The following CACNA1E variants were observed in gnomAD, a reference collection of about 807,000 sequenced individuals.
CACNA1E encodes calcium voltage-gated channel subunit alpha1 E.
Under a neutral mutation model 259.2 loss-of-function variants are expected in CACNA1E, and 40 were observed. The ratio of observed to expected loss-of-function variants is 0.15; its 90% CI spans 0.12 to 0.20. CACNA1E has a LOEUF of 0.20. Ranked by LOEUF, CACNA1E falls within the 10% of genes least tolerant of loss-of-function variation. CACNA1E has a pLI of 1.00. For missense variants in CACNA1E, 1,874 were observed against 3,040.1 expected (o/e 0.62, Z 9.02); for synonymous variants, 1,104 against 1,138.5 (o/e 0.97, Z 0.61).
intron 2 of CACNA1E, among the ~76,000 whole-genome samples, chr1:181,437,830 G>A (rs573024448): frequency 6.6e-6 from 1 of 152,152 alleles, no homozygotes; most frequent in South Asian, 2.1e-4. Flanking sequence ...ACCCATTTTT[G>A]TAGGTTTACA....
At chr1:181,386,400 A>C (rs1655850217) in intron 1 of CACNA1E, among the ~76,000 whole-genome samples, 4 of 152,198 alleles carry the variant, frequency 2.6e-5, no homozygotes, top group Admixed American at 2.6e-4. Context: ...CACACATCAC[A>C]TGTAAGGTCA....
chr1:181,759,782 C>T (rs2102703711), intron 32 of CACNA1E, among the ~76,000 whole-genome samples: 1 of 152,286 alleles, frequency 6.6e-6, no homozygotes, highest in South Asian at 2.1e-4. Flanking sequence ...GAACTTTGCT[C>T]ATTATCTGAA....
At position 181,807,536 on chromosome 1, in the gene CACNA1E, G is replaced by T. The variant is rs1302292377; in HGVS notation, c.*8702G>T. On this transcript the variant is annotated 3_prime_UTR_variant, in exon 48 of 48. Transcript: ENST00000367573. ...AGGCCTCCATTTGATTTGCCACTCCGAGAACTGTCTGCTTCATTCTGCTTG... is the reference window on the plus strand; with the variant it reads ...AGGCCTCCATTTGATTTGCCACTCCTAGAACTGTCTGCTTCATTCTGCTTG... The T allele has an allele frequency of 6.6e-6, 1 of 151,780 alleles. No homozygotes were observed. The highest frequency in any genetic ancestry group is 2.4e-5 in the African/African-American group (1 of 41,302). 9.4% of individuals were successfully genotyped at this position (151,780 alleles called of 1,614,324 possible).
intron 1 of CACNA1E, among the ~76,000 whole-genome samples, chr1:181,493,493 A>ACT (rs1664491413): frequency 6.6e-6 from 1 of 152,198 alleles, no homozygotes; most frequent in Admixed American, 6.5e-5. Context: ...AACTTAAGAT[A>ACT]TAGGAAGTGG....
At chr1:181,751,721 A>G (rs1041448900) in intron 26 of CACNA1E, among the ~76,000 whole-genome samples, 3 of 152,224 alleles carry the variant, frequency 2.0e-5, no homozygotes, top group Non-Finnish European at 4.4e-5. Flanking sequence ...TGGATTAGGC[A>G]CAGTAGGGAT....
rs114769618 is a variant in CACNA1E, at chr1:181,763,584, C to T, written c.4815+53C>T. The T allele has an allele frequency of 9.7e-4, 1,370 of 1,409,932 alleles. 1 individual carries two copies. Among genetic ancestry groups the T allele is most frequent in the Non-Finnish European group, 1.0e-3 (1,090 of 1,047,396 alleles). 87.3% of individuals were successfully genotyped at this position (1,409,932 alleles called of 1,614,324 possible). ...AGGGTTGTCATATCAGACAGTACAG[C>T]CAGGCAACACTGGCATCATTACCCA... On this transcript the variant is annotated intron_variant, in intron 34 of 47. Coordinates refer to ENST00000367573, the MANE Select transcript of CACNA1E (RefSeq NM_001205293.3).
At chr1:181,346,587 C>T (rs530344905) in intron 1 of CACNA1E, among the ~76,000 whole-genome samples, 1 of 152,208 alleles carries the variant, frequency 6.6e-6, no homozygotes, top group Non-Finnish European at 1.5e-5. Flanking sequence ...TTCTCAGTCC[C>T]TCCTGGCAAT....
chr1:181,592,437 T>C (rs1016593163), intron 6 of CACNA1E, among the ~76,000 whole-genome samples: 4 of 143,176 alleles, frequency 2.8e-5, no homozygotes, highest in Non-Finnish European at 6.0e-5. Flanking sequence ...CTATGGCTGC[T>C]GCAGCCTCTG....
intron 1 of CACNA1E, among the ~76,000 whole-genome samples, chr1:181,348,903 T>G (rs1652817870): frequency 6.6e-6 from 1 of 152,162 alleles, no homozygotes; most frequent in Admixed American, 6.5e-5. Flanking sequence ...CACAATGGGA[T>G]GTGGCCAGGT....
intron 7 of CACNA1E, among the ~76,000 whole-genome samples, chr1:181,701,671 C>T (rs887421221): frequency 3.9e-5 from 6 of 152,100 alleles, no homozygotes; most frequent in East Asian, 1.9e-4. Flanking sequence ...TTCCAAACTG[C>T]GAAACAGAGA....
chr1:181,793,632 G>A, intron 44 of CACNA1E, 33 bp from the exon 45 acceptor site: 1 of 1,600,810 alleles, frequency 6.2e-7, no homozygotes, highest in Non-Finnish European at 8.5e-7. Context: ...ATGGAACCAA[G>A]TCCCACAAGC....
In CACNA1E at chr1:181,798,907, C is replaced by A. The variant is rs1009059695; in HGVS notation, c.*73C>A. ...CCAAGACAGAATTGGGAAGCCAGTGCGGCCCGGGGGGGAGGAAGAGGGAAA... is the reference window on the plus strand; with the variant it reads ...CCAAGACAGAATTGGGAAGCCAGTGAGGCCCGGGGGGGAGGAAGAGGGAAA... On this transcript the variant is annotated 3_prime_UTR_variant, in exon 48 of 48. Coordinates refer to ENST00000367573, the MANE Select transcript of CACNA1E (RefSeq NM_001205293.3). This position sits in a 1 kb window ranked among gnomAD's most constrained non-coding sequence, Gnocchi z 4.2. 4 of 1,350,620 alleles carry A rather than the reference C, an allele frequency of 3.0e-6. No homozygotes were observed. Among genetic ancestry groups the A allele is most frequent in the South Asian group, 3.4e-5 (2 of 58,900 alleles). The allele number at this position is 1,350,620 out of a possible 1,614,324, so 83.7% of individuals were successfully genotyped here.
At chr1:181,741,423 T>C (rs1268714471) in intron 25 of CACNA1E, among the ~76,000 whole-genome samples, 4 of 152,210 alleles carry the variant, frequency 2.6e-5, no homozygotes, top group Non-Finnish European at 4.4e-5. Flanking sequence ...CAATACATGT[T>C]GATTCCCCTC....
chr1:181,596,838 G>A (rs1355981314), intron 6 of CACNA1E, among the ~76,000 whole-genome samples: 3 of 152,132 alleles, frequency 2.0e-5, no homozygotes, highest in Non-Finnish European at 4.4e-5. Flanking sequence ...TTAGAAGCTG[G>A]GAGAGTGAGT....
At chr1:181,451,584 G>A (rs1571904519) in intron 2 of CACNA1E, among the ~76,000 whole-genome samples, 1 of 152,186 alleles carries the variant, frequency 6.6e-6, no homozygotes, top group East Asian at 1.9e-4. Flanking sequence ...ACTTGGCTGA[G>A]GCAGGAGAAT....
intron 1 of CACNA1E, among the ~76,000 whole-genome samples, chr1:181,387,725 G>C (rs1025869608): frequency 5.3e-5 from 8 of 152,184 alleles, no homozygotes; most frequent in Non-Finnish European, 1.2e-4. Flanking sequence ...GCAGAGTCTT[G>C]GTTCCTACTT....
intron 3 of CACNA1E, among the ~76,000 whole-genome samples, chr1:181,549,236 A>T (rs1304948431): frequency 6.6e-6 from 1 of 152,216 alleles, no homozygotes; most frequent in Non-Finnish European, 1.5e-5. Context: ...TTAACACCAC[A>T]GCTCCATCAG....
intron 7 of CACNA1E, among the ~76,000 whole-genome samples, chr1:181,667,857 C>CT (rs981577395): frequency 4.1e-4 from 61 of 148,570 alleles, no homozygotes; most frequent in East Asian, 3.3e-3. Flanking sequence ...TTTTTTTTAA[C>CT]TTTTTTTTTG....
intron 22 of CACNA1E, among the ~76,000 whole-genome samples, chr1:181,736,661 C>G (rs1656063533): frequency 3.3e-5 from 5 of 152,150 alleles, no homozygotes; most frequent in Admixed American, 2.6e-4. Flanking sequence ...GTAACATCGA[C>G]AGGAGAACAT....
Sources: allele counts gnomAD v4.1 joint callset (sites outside exome capture counted in the v4.1 genomes callset), GRCh38; gene constraint gnomAD v4.1.1; non-coding constraint Gnocchi (gnomAD v3.1); transcripts MANE v1.5; gene names NCBI Gene and HGNC (gene_info 2026-07-23, HGNC 2026-07-21).